TIMP4: variants seen among roughly 807,000 people sequenced by gnomAD.
The protein encoded by TIMP4 is metalloproteinase inhibitor 4.
TIMP4 carries 28 observed loss-of-function variants against 27.3 expected under a neutral mutation model. That is an observed-to-expected ratio of 1.03 (90% CI 0.76 to 1.41). TIMP4 has a LOEUF of 1.41. Ranked by LOEUF, TIMP4 falls within the 40% of genes most tolerant of loss-of-function variation. The pLI is 0.00. For missense variants in TIMP4, 307 were observed against 285.5 expected (o/e 1.08, Z -0.54); for synonymous variants, 138 against 115.5 (o/e 1.20, Z -1.25).
rs1294465081 is a variant in TIMP4 at position 12,158,771 on chromosome 3, G to A, written c.70C>T (p.Pro24Ser). Residue 24 changes from proline to serine, a missense_variant, in exon 1 of 5, where the codon CCG becomes TCG. Coordinates refer to ENST00000287814, the MANE Select transcript of TIMP4 (RefSeq NM_003256.4). The part of the protein sequence containing the change: ...LLRLLALLRP[P>S]GLGEACSCAP... ...CAGCTGCATGCCTCACCCAGCCCCG[G>A]GGGCCGCAGCAACGCCAGCAGCCGC... 1 of 1,605,712 alleles carries A rather than the reference G, an allele frequency of 6.2e-7. No individual in the cohort carries two copies. The highest frequency in any genetic ancestry group is 8.5e-7 in the Non-Finnish European group (1 of 1,178,820).
In TIMP4 at chr3:12,154,399, C is replaced by T. The variant is rs369235868; in HGVS notation, c.405G>A (p.Glu135=). 2 of 1,614,044 alleles carry T rather than the reference C, an allele frequency of 1.2e-6. No individual in the cohort carries two copies. The highest frequency in any genetic ancestry group is 1.3e-5 in the African/African-American group (1 of 74,896). Residue 135 remains glutamate, a synonymous_variant, in exon 4 of 5, where the codon GAG becomes GAA. Transcript: ENST00000287814. ...KVFIHLCNYI[E]PWEDLSLVQR... Reference sequence around the variant, plus strand: ...GCACCAAGGACAGGTCCTCCCAGGGCTCGATGTAGTTGCACAGATGGATGA... The same window carrying T: ...GCACCAAGGACAGGTCCTCCCAGGGTTCGATGTAGTTGCACAGATGGATGA...
intron 1 of TIMP4, among the ~76,000 whole-genome samples, chr3:12,157,815 C>T (rs1380345013): frequency 6.6e-6 from 1 of 152,092 alleles, no homozygotes; most frequent in Non-Finnish European, 1.5e-5. Context: ...GAGGAGGAGC[C>T]CCTTCAGGGC....
At chr3:12,154,266 G>C (rs776583975) in intron 4 of TIMP4, 61 bp downstream of exon 4, 11 of 1,608,164 alleles carry the variant, frequency 6.8e-6, no homozygotes, top group Middle Eastern at 1.7e-4. Flanking sequence ...ATTCATGCAT[G>C]AATGAAGGCT....
intron 4 of TIMP4, among the ~76,000 whole-genome samples, 195 bp downstream of exon 4, chr3:12,154,132 C>T (rs759828150): frequency 1.1e-4 from 17 of 152,184 alleles, no homozygotes; most frequent in Admixed American, 9.2e-4. Context: ...AGTCTGCCTC[C>T]TGTGATGGCC....
rs1454391914 is a variant in TIMP4, at chr3:12,157,367, C to T, written c.237+18G>A. On this transcript the variant is annotated intron_variant, in intron 2 of 4. Coordinates refer to ENST00000287814, the MANE Select transcript of TIMP4 (RefSeq NM_003256.4). ...CATCAGCCTTAGGGGCTACACATCC[C>T]AGCCTGCCCCCATGTACCTTTATCT... The T allele has an allele frequency of 6.2e-6, 10 of 1,612,080 alleles. No individual in the cohort carries two copies. The East Asian group carries it at 6.7e-5, about 11-fold the overall frequency.
At chr3:12,157,077 G>T in intron 2 of TIMP4, 143 bp from the exon 3 acceptor site, 2 of 645,796 alleles carry the variant, frequency 3.1e-6, no homozygotes, top group Non-Finnish European at 2.7e-6. Flanking sequence ...GTCCCTACTG[G>T]GTTATTTTCT....
chr3:12,155,463 C>T (rs71304089), intron 3 of TIMP4, among the ~76,000 whole-genome samples: 7,523 of 152,266 alleles, frequency 0.049, 211 homozygotes, highest in Non-Finnish European at 0.066. Context: ...GGGGGAAGGG[C>T]TTCCTGTCAT....
In TIMP4 at chr3:12,153,216, T is replaced by C; in HGVS notation, c.*299A>G. On this transcript the variant is annotated 3_prime_UTR_variant, in exon 5 of 5. Coordinates refer to ENST00000287814, the MANE Select transcript of TIMP4 (RefSeq NM_003256.4). ...CGATTAAGACAAAGGAAAACACATA[T>C]TCCTGGGGAGGAAAGGGAATAGTCC... The C allele has an allele frequency of 2.1e-6, 1 of 475,352 alleles. No homozygotes were observed. The highest frequency in any genetic ancestry group is 3.9e-6 in the Non-Finnish European group (1 of 257,778). The allele number at this position is 475,352 out of a possible 1,614,324, so 29.4% of individuals were successfully genotyped here.
chr3:12,153,934 C>T (rs1188790947), intron 4 of TIMP4, among the ~76,000 whole-genome samples: 3 of 152,152 alleles, frequency 2.0e-5, no homozygotes, highest in Admixed American at 6.5e-5. Context: ...CTCTGAGGGT[C>T]CTTACTCTAC....
intron 1 of TIMP4, 27 bp downstream of exon 1, chr3:12,158,675 T>G: frequency 6.2e-7 from 1 of 1,608,718 alleles, no homozygotes; most frequent in Non-Finnish European, 8.5e-7. Flanking sequence ...CACCCCCTGC[T>G]GTGGACCTCG....
At chr3:12,158,654 T>A (rs749489065) in intron 1 of TIMP4, 48 bp downstream of exon 1, 1 of 1,603,376 alleles carries the variant, frequency 6.2e-7, no homozygotes, top group Non-Finnish European at 8.5e-7. Flanking sequence ...CAGATACTAA[T>A]CCCCCACAAC....
intron 3 of TIMP4, among the ~76,000 whole-genome samples, 162 bp from the exon 4 acceptor site, chr3:12,154,613 T>A (rs564377052): frequency 6.6e-6 from 1 of 152,156 alleles, no homozygotes; most frequent in Middle Eastern, 3.2e-3. Flanking sequence ...ACTACTATAA[T>A]CTTTCTAGCA....
At chr3:12,157,332 C>T in intron 2 of TIMP4, 53 bp downstream of exon 2, 1 of 1,559,822 alleles carries the variant, frequency 6.4e-7, no homozygotes, top group Non-Finnish European at 8.8e-7. Flanking sequence ...AACACAGACT[C>T]CACTTTCTCC....
chr3:12,158,438 C>T (rs932610779), intron 1 of TIMP4, among the ~76,000 whole-genome samples: 2 of 152,182 alleles, frequency 1.3e-5, no homozygotes, highest in Non-Finnish European at 2.9e-5. Context: ...TGTAATGACA[C>T]TCCATAATTG....
intron 3 of TIMP4, 88 bp downstream of exon 3, chr3:12,156,732 G>A (rs1697467872): frequency 9.5e-7 from 1 of 1,055,188 alleles, no homozygotes; most frequent in Admixed American, 2.0e-5. Context: ...TCAGCCTACT[G>A]CCCAAGGAAG....
Position 12,153,720 on chromosome 3 carries a change from C to A in TIMP4, c.478-8G>T. On this transcript the variant is annotated splice_polypyrimidine_tract_variant and splice_region_variant and intron_variant, in intron 4 of 4. Transcript: ENST00000287814. ...TGTGTAGCAGGTGGTGATCTAGAGT[C>A]ATGGCCACACAACATTAAAGTGAGT... 1 of 1,614,130 alleles carries A rather than the reference C, an allele frequency of 6.2e-7. No individual in the cohort carries two copies. Among genetic ancestry groups the A allele is most frequent in the South Asian group, 1.1e-5 (1 of 91,058 alleles).
chr3:12,156,776 C>A (rs776485206), intron 3 of TIMP4, 44 bp downstream of exon 3: 1 of 1,516,346 alleles, frequency 6.6e-7, no homozygotes, highest in South Asian at 1.1e-5. Flanking sequence ...TCCCCTAGGG[C>A]AGAATCTATT....
chr3:12,154,250 G>T, intron 4 of TIMP4, 77 bp downstream of exon 4: 1 of 1,594,150 alleles, frequency 6.3e-7, no homozygotes, highest in Non-Finnish European at 8.6e-7. Context: ...TCTAGTAAGT[G>T]AATAAATTCA....
chr3:12,158,502 T>A, intron 1 of TIMP4, 200 bp downstream of exon 1: 1 of 700,108 alleles, frequency 1.4e-6, no homozygotes, highest in South Asian at 2.0e-5. Flanking sequence ...GAAATCTTCA[T>A]TTCCTTATGA....
Sources: allele counts gnomAD v4.1 joint callset (sites outside exome capture counted in the v4.1 genomes callset), GRCh38; gene constraint gnomAD v4.1.1; transcripts MANE v1.5; gene names NCBI Gene and HGNC (gene_info 2026-07-23, HGNC 2026-07-21).